Variants in ADGRV1 observed in about 807,000 individuals in gnomAD.
ADGRV1 encodes G-protein coupled receptor 98.
A neutral mutation model predicts 596.2 loss-of-function variants in ADGRV1; 359 were observed. The ratio of observed to expected loss-of-function variants is 0.60; its 90% CI spans 0.55 to 0.66. The LOEUF (loss-of-function observed/expected upper bound fraction) is 0.66, where lower values mean the gene tolerates loss of function less well. Among genes scored for constraint, ADGRV1 ranks in the 30% least tolerant of loss-of-function variants. The pLI, the probability that ADGRV1 is intolerant of heterozygous loss-of-function variation, is 0.00. For missense variants in ADGRV1, 7,274 were observed against 7,575.6 expected, an observed-to-expected ratio of 0.96 and a Z score of 1.48; for synonymous variants, 2,681 against 2,679.2, an observed-to-expected ratio of 1.00 and a Z score of -0.02.
intron 85 of ADGRV1, among the ~76,000 whole-genome samples, chr5:91,034,872 A>T (rs932492716): frequency 1.3e-5 from 2 of 152,050 alleles, no homozygotes; most frequent in Admixed American, 6.6e-5. Context: ...TGCAGCCTCA[A>T]ACTCCCAGGT....
intron 83 of ADGRV1, among the ~76,000 whole-genome samples, chr5:90,906,501 A>G (rs1022171191): frequency 1.3e-5 from 2 of 152,026 alleles, no homozygotes; most frequent in Non-Finnish European, 2.9e-5. Flanking sequence ...AGATTTTCCA[A>G]TTTATTGGCA....
At chr5:90,737,330 A>G (rs958778426) in intron 50 of ADGRV1, among the ~76,000 whole-genome samples, 4 of 151,986 alleles carry the variant, frequency 2.6e-5, no homozygotes, top group Non-Finnish European at 5.9e-5. Context: ...AAATTTGTTA[A>G]GACATGTTTT....
intron 84 of ADGRV1, among the ~76,000 whole-genome samples, chr5:90,970,311 A>C (rs1283592350): frequency 6.6e-6 from 1 of 152,174 alleles, no homozygotes; most frequent in Non-Finnish European, 1.5e-5. Context: ...GGGCATAGCC[A>C]AACAAAAGGC....
chr5:90,705,063 C>T (rs1748421634), intron 36 of ADGRV1, among the ~76,000 whole-genome samples: 1 of 152,138 alleles, frequency 6.6e-6, no homozygotes, highest in African/African-American at 2.4e-5. Context: ...CTGTCTCGCC[C>T]TCCCAAAGTG....
chr5:91,012,343 T>C (rs997637660), intron 85 of ADGRV1, among the ~76,000 whole-genome samples: 3 of 151,962 alleles, frequency 2.0e-5, no homozygotes, highest in Admixed American at 2.0e-4. Flanking sequence ...TCTCCGCCCA[T>C]TTTCTTATAC....
At chr5:91,104,593 A>G (rs887405258) in intron 87 of ADGRV1, among the ~76,000 whole-genome samples, 2 of 151,588 alleles carry the variant, frequency 1.3e-5, no homozygotes, top group Non-Finnish European at 2.9e-5. Context: ...TTTTCCCCCT[A>G]CCCTTCCCAG....
At chr5:90,642,169 T>G (rs1283069911) in intron 11 of ADGRV1, among the ~76,000 whole-genome samples, 2 of 152,318 alleles carry the variant, frequency 1.3e-5, no homozygotes, top group Middle Eastern at 3.4e-3. Context: ...CCAGCTATTA[T>G]GTGCTCTATT....
chr5:90,627,900 A>T, intron 7 of ADGRV1, 124 bp downstream of exon 7: 1 of 477,572 alleles, frequency 2.1e-6, no homozygotes, highest in Non-Finnish European at 3.6e-6. Flanking sequence ...ACAAAGTTTC[A>T]TGACAAACTC....
At chr5:90,862,409 C>A (rs904505105) in intron 82 of ADGRV1, among the ~76,000 whole-genome samples, 3 of 152,108 alleles carry the variant, frequency 2.0e-5, no homozygotes, top group Admixed American at 6.6e-5. Context: ...CATGCACAGG[C>A]ATGCACATTC....
chr5:90,756,883 AAATAT>A (rs1755886202), intron 56 of ADGRV1, 91 bp from the exon 57 acceptor site: 1 of 1,036,654 alleles, frequency 9.6e-7, no homozygotes, highest in Non-Finnish European at 1.4e-6. Context: ...TTAAAGGGTG[AAATAT>A]AGAAAGTTAA....
intron 83 of ADGRV1, among the ~76,000 whole-genome samples, chr5:90,874,691 C>G (rs999067277): frequency 1.2e-4 from 18 of 152,104 alleles, no homozygotes; most frequent in African/African-American, 3.6e-4. Context: ...GAAACCCCGT[C>G]TCTACTAAAA....
At chr5:91,062,587 C>T (rs922358818) in intron 85 of ADGRV1, among the ~76,000 whole-genome samples, 7 of 152,174 alleles carry the variant, frequency 4.6e-5, no homozygotes, top group Admixed American at 6.6e-5. Context: ...AGCACACCCA[C>T]TGCACCCCAG....
chr5:90,639,097 C>T (rs1046429882), intron 11 of ADGRV1, among the ~76,000 whole-genome samples: 1 of 150,658 alleles, frequency 6.6e-6, no homozygotes, highest in Non-Finnish European at 1.5e-5. Flanking sequence ...CACACACACA[C>T]GCTCGCGCAC....
chr5:90,990,478 G>A (rs1780869540), intron 85 of ADGRV1, among the ~76,000 whole-genome samples: 1 of 152,122 alleles, frequency 6.6e-6, no homozygotes, highest in Non-Finnish European at 1.5e-5. Flanking sequence ...CCTTAACAAT[G>A]CACCGTTCAC....
intron 1 of ADGRV1, among the ~76,000 whole-genome samples, 159 bp downstream of exon 1, chr5:90,559,076 T>A (rs1754460031): frequency 6.6e-6 from 1 of 152,004 alleles, no homozygotes; most frequent in African/African-American, 2.4e-5. Context: ...CGCCGCGGCC[T>A]GCGGGTAATG....
intron 83 of ADGRV1, among the ~76,000 whole-genome samples, chr5:90,913,406 T>C (rs1773074027): frequency 6.6e-6 from 1 of 152,202 alleles, no homozygotes; most frequent in Non-Finnish European, 1.5e-5. Context: ...ATTTTCTTAG[T>C]GGGAAGTCTT....
intron 83 of ADGRV1, among the ~76,000 whole-genome samples, chr5:90,955,585 G>T (rs1777404366): frequency 6.6e-6 from 1 of 152,166 alleles, no homozygotes; most frequent in African/African-American, 2.4e-5. Context: ...GGAATGAAAA[G>T]ATCTGATTTG....
chr5:91,051,863 A>G (rs751995078), intron 85 of ADGRV1, among the ~76,000 whole-genome samples: 6 of 152,246 alleles, frequency 3.9e-5, no homozygotes, highest in South Asian at 4.1e-4. Flanking sequence ...CTTTTTTACA[A>G]TGATGAGAAC....
At chr5:90,884,077 G>A (rs1264930249) in intron 83 of ADGRV1, among the ~76,000 whole-genome samples, 1 of 152,078 alleles carries the variant, frequency 6.6e-6, no homozygotes, top group Non-Finnish European at 1.5e-5. Flanking sequence ...TTAACCAAAT[G>A]GTTTTTATAA....
Sources: allele counts gnomAD v4.1 joint callset (sites outside exome capture counted in the v4.1 genomes callset), GRCh38; gene constraint gnomAD v4.1.1; transcripts MANE v1.5; gene names NCBI Gene and HGNC (gene_info 2026-07-23, HGNC 2026-07-21).